Variants in CEBPA observed in about 807,000 individuals in gnomAD.
The protein encoded by CEBPA is CCAAT enhancer binding protein alpha.
Under a neutral mutation model 5.1 loss-of-function variants are expected in CEBPA, and 2 were observed. The ratio of observed to expected loss-of-function variants is 0.39; its 90% CI spans 0.16 to 1.23. The LOEUF (loss-of-function observed/expected upper bound fraction) is 1.23, where lower values mean the gene tolerates loss of function less well. Among genes scored for constraint, CEBPA ranks in the 50% most tolerant of loss-of-function variants. CEBPA has a pLI of 0.34. For missense variants in CEBPA, 455 were observed against 537.4 expected (o/e 0.85, Z 1.52); for synonymous variants, 275 against 264.1 (o/e 1.04, Z -0.40).
rs187516157 is a variant in CEBPA, at chr19:33,300,344, T to C, written c.*994A>G. ...TTTAGCAGAGACGCGCACATTCACA[T>C]TGCACAAGGCACTGCTGGGGCACAG... On this transcript the variant is annotated 3_prime_UTR_variant, in exon 1 of 1. Transcript: ENST00000498907. 8.6e-6 allele frequency: 2 copies of C among 233,814 alleles called. No homozygotes were observed. Among genetic ancestry groups the C allele is most frequent in the East Asian group, 1.2e-4 (2 of 16,690 alleles). 14.5% of individuals were successfully genotyped at this position (233,814 alleles called of 1,614,324 possible).
chr19:33,302,016 G>A lies in CEBPA; in HGVS notation c.399C>T (p.Cys133=), dbSNP rs2145262379. The stretch of plus-strand genomic sequence containing the variant: ...TGCCGTCCAGGTAGCCGGCGGCCGC[G>A]CAGCCGTAGCCGGGCGGGGGCCCGT... The part of the protein sequence containing the change: ...GAHGPPPGYG[C]AAAGYLDGRL... Residue 133 remains cysteine (C), a synonymous_variant, in exon 1 of 1, where the codon TGC becomes TGT. Transcript: ENST00000498907. The A allele has an allele frequency of 1.2e-5, 14 of 1,180,412 alleles. No homozygotes were observed. The highest frequency in any genetic ancestry group is 1.5e-5 in the Non-Finnish European group (14 of 953,414). The allele number at this position is 1,180,412 out of a possible 1,614,324, so 73.1% of individuals were successfully genotyped here.
In CEBPA at chr19:33,300,005, AAAG is replaced by A. The variant is rs1169054928; in HGVS notation, c.*1330_*1332del. The stretch of plus-strand genomic sequence containing the variant: ...AGAGTGAGACTCTACGTTCTCCCCA[AAAG>A]AAGAGAACCAAGCCGTCCTTCCCTG... On this transcript the variant is annotated 3_prime_UTR_variant, in exon 1 of 1. Coordinates refer to ENST00000498907, the MANE Select transcript of CEBPA (RefSeq NM_004364.5). 4.3e-6 allele frequency: 1 copy of A among 233,238 alleles called. No homozygotes were observed. Among genetic ancestry groups the A allele is most frequent in the Admixed American group, 5.6e-5 (1 of 17,778 alleles). The allele number at this position is 233,238 out of a possible 1,614,324, so 14.4% of individuals were successfully genotyped here.
At position 33,302,237 on chromosome 19, in the gene CEBPA, T is replaced by C. The variant is rs1060502120; in HGVS notation, c.178A>G (p.Thr60Ala). 1 of 1,491,524 alleles carries C rather than the reference T, an allele frequency of 6.7e-7. No individual in the cohort carries two copies. Among genetic ancestry groups the C allele is most frequent in the South Asian group, 1.3e-5 (1 of 78,268 alleles). The allele number at this position is 1,491,524 out of a possible 1,614,324, so 92.4% of individuals were successfully genotyped here. A position where few individuals can be genotyped will look rare whatever the true frequency, so the allele number is the denominator to read the frequency against. ...EPLGGICEHE[T>A]SIDISAYIDP... Reference sequence around the variant, plus strand: ...ATGTAGGCGCTGATGTCGATGGACGTCTCGTGCTCGCAGATGCCGCCCAGC... The same window carrying C: ...ATGTAGGCGCTGATGTCGATGGACGCCTCGTGCTCGCAGATGCCGCCCAGC... Residue 60 changes from threonine (T) to alanine (A), a missense_variant, in exon 1 of 1, where the codon ACG (threonine) becomes GCG (alanine). Thr to Ala is a moderately conservative substitution (Grantham distance 58). Coordinates refer to ENST00000498907, the MANE Select transcript of CEBPA (RefSeq NM_004364.5).
At position 33,301,557 on chromosome 19, in the gene CEBPA, C is replaced by T. The variant is rs1967165387; in HGVS notation, c.858G>A (p.Arg286=). 1 of 1,613,040 alleles carries T rather than the reference C, an allele frequency of 6.2e-7. No homozygotes were observed. The highest frequency in any genetic ancestry group is 2.2e-5 in the East Asian group (1 of 44,848). ...CGATGTTGTTGCGCTCGCGCCGCAC[C>T]CGGTACTCGTTGCTGTTCTTGTCCA... The part of the protein sequence containing the change: ...KSVDKNSNEY[R]VRRERNNIAV... Residue 286 remains arginine (R), a synonymous_variant, in exon 1 of 1, where the codon CGG becomes CGA. Coordinates refer to ENST00000498907, the MANE Select transcript of CEBPA (RefSeq NM_004364.5). The surrounding 1 kb of genome is among the most constrained non-coding windows in gnomAD (Gnocchi z 6.0).
rs1335116496 is a variant in CEBPA, at chr19:33,299,972, A to C, written c.*1366T>G. The C allele has an allele frequency of 4.3e-6, 1 of 233,100 alleles. No homozygotes were observed. Among genetic ancestry groups the C allele is most frequent in the Non-Finnish European group, 8.5e-6 (1 of 117,938 alleles). 14.4% of individuals were successfully genotyped at this position (233,100 alleles called of 1,614,324 possible). A position where few individuals can be genotyped will look rare whatever the true frequency, so the allele number is the denominator to read the frequency against. On this transcript the variant is annotated 3_prime_UTR_variant, in exon 1 of 1. Transcript: ENST00000498907. ...GTTTATATTATAGATATAATACATAAAACATCTAGAGTGAGACTCTACGTT... is the reference window on the plus strand; with the variant it reads ...GTTTATATTATAGATATAATACATACAACATCTAGAGTGAGACTCTACGTT...
chr19:33,301,857 C>A lies in CEBPA; in HGVS notation c.558G>T (p.Pro186=). Reference sequence around the variant, plus strand: ...GCGGGTGCGGGTGCGAGGGCGGCGGCGGCGGCGGCGGCTGGTAAGGGAAGA... The same window carrying A: ...GCGGGTGCGGGTGCGAGGGCGGCGGAGGCGGCGGCGGCTGGTAAGGGAAGA... ...AGLFPYQPPP[P]PPPSHPHPHP... is the part of the protein sequence containing the mutation. The change falls in exon 1 of 1, where the codon CCG becomes CCT. Residue 186 remains proline, a synonymous_variant. Transcript: ENST00000498907. The surrounding 1 kb of genome is among the most constrained non-coding windows in gnomAD (Gnocchi z 6.0). 1 of 1,278,266 alleles carries A rather than the reference C, an allele frequency of 7.8e-7. No individual in the cohort carries two copies. Among genetic ancestry groups the A allele is most frequent in the Non-Finnish European group, 9.9e-7 (1 of 1,005,720 alleles). The allele number at this position is 1,278,266 out of a possible 1,614,324, so 79.2% of individuals were successfully genotyped here.
chr19:33,301,610 TG>T lies in CEBPA; in HGVS notation c.804del (p.Ser269AlafsTer49). 6.3e-7 allele frequency: 1 copy of T among 1,591,768 alleles called. No homozygotes were observed. The highest frequency in any genetic ancestry group is 1.3e-5 in the African/African-American group (1 of 74,336). On this transcript the variant is annotated frameshift_variant, in exon 1 of 1. Transcript: ENST00000498907. LOFTEE classifies it high-confidence loss of function. The surrounding 1 kb of genome is among the most constrained non-coding windows in gnomAD (Gnocchi z 6.0). Reference protein sequence around the residue: ...AAHPDLRASGGSGAGKAKKSV... With the variant: ...AAHPDLRASGXSGAGKAKKSV... ...GACTTCTTGGCCTTGCCCGCGCCGC[TG>T]CCGCCACTCGCGCGGAGGTCGGGGT...
Position 33,300,991 on chromosome 19 carries a change from A to C in CEBPA, c.*347T>G. On this transcript the variant is annotated 3_prime_UTR_variant, in exon 1 of 1. Transcript: ENST00000498907. Reference sequence around the variant, plus strand: ...GCAGGAAACCTCCAAATAAAATGACAAGGCACGATTTGCTCCCCCTACTCA... The same window carrying C: ...GCAGGAAACCTCCAAATAAAATGACCAGGCACGATTTGCTCCCCCTACTCA... 1 of 356,436 alleles carries C rather than the reference A, an allele frequency of 2.8e-6. No individual in the cohort carries two copies. Among genetic ancestry groups the C allele is most frequent in the Admixed American group, 4.2e-5 (1 of 24,002 alleles). The allele number at this position is 356,436 out of a possible 1,614,324, so 22.1% of individuals were successfully genotyped here.
rs557100333 is a variant in CEBPA, at chr19:33,302,483, G to T, written c.-69C>A. ...CCAGCCTGCGCGGGGCGTCGCCGCC[G>T]CCCACCCGGAGACCCTGCTCGCCCG... On this transcript the variant is annotated 5_prime_UTR_variant, in exon 1 of 1. Transcript: ENST00000498907. 2.7e-4 allele frequency: 290 copies of T among 1,069,210 alleles called. 3 individuals carry two copies. In the Middle Eastern group the frequency reaches 4.2e-3, roughly 16 times the overall value. The allele number at this position is 1,069,210 out of a possible 1,614,324, so 66.2% of individuals were successfully genotyped here. A position where few individuals can be genotyped will look rare whatever the true frequency, so the allele number is the denominator to read the frequency against.
In CEBPA at chr19:33,301,750, G is replaced by A; in HGVS notation, c.665C>T (p.Pro222Leu). 1 of 1,171,704 alleles carries A rather than the reference G, an allele frequency of 8.5e-7. No homozygotes were observed. Among genetic ancestry groups the A allele is most frequent in the East Asian group, 3.9e-5 (1 of 25,844 alleles). The allele number at this position is 1,171,704 out of a possible 1,614,324, so 72.6% of individuals were successfully genotyped here. The change falls in exon 1 of 1, where the codon CCC (proline) becomes CTC (leucine). Residue 222 changes from proline (P) to leucine (L), a missense_variant. This residue lies in a region of CEBPA where 118 missense variants were observed against 189.3 expected (regional missense o/e 0.62). Transcript: ENST00000498907. This position sits in a 1 kb window ranked among gnomAD's most constrained non-coding sequence, Gnocchi z 6.0. ...HCGQTTMHLQ[P>L]GHPTPPPTPV... ...CGTGGGCGGCGGCGTGGGGTGACCG[G>A]GCTGCAGGTGCATGGTGGTCTGGCC...
Position 33,302,126 on chromosome 19 carries a change from G to T in CEBPA, c.289C>A (p.Pro97Thr). The change falls in exon 1 of 1, where the codon CCC becomes ACC. Residue 97 changes from proline to threonine, a missense_variant. Physicochemically the swap from Pro to Thr is conservative, Grantham distance 38 (BLOSUM62 -1). Around this residue, in one of 5 missense-constraint regions of CEBPA, gnomAD observed 143 missense variants for 153.9 expected, o/e 0.93. Transcript: ENST00000498907. ...TCGCCGCCGCCGCCGCCGCCCGTGG[G>T]GCCCACGGCCGCCTTGGCCTTCTCC... The part of the protein sequence containing the change: ...QQEKAKAAVG[P>T]TGGGGGGDFD... 7.3e-7 allele frequency: 1 copy of T among 1,362,194 alleles called. No homozygotes were observed. Among genetic ancestry groups the T allele is most frequent in the Non-Finnish European group, 9.6e-7 (1 of 1,046,786 alleles). The allele number at this position is 1,362,194 out of a possible 1,614,324, so 84.4% of individuals were successfully genotyped here.
Position 33,300,398 on chromosome 19 carries a change from G to GA in CEBPA, c.*939dup, listed in dbSNP as rs1444612435. The GA allele has an allele frequency of 4.3e-6, 1 of 233,656 alleles. No individual in the cohort carries two copies. The highest frequency in any genetic ancestry group is 8.5e-6 in the Non-Finnish European group (1 of 118,102). 14.5% of individuals were successfully genotyped at this position (233,656 alleles called of 1,614,324 possible). A position where few individuals can be genotyped will look rare whatever the true frequency, so the allele number is the denominator to read the frequency against. ...CCAGATACAAGTGTTGATATCGGCTGATAAAGCAAAATATTTGGAAAGCTT... is the reference window on the plus strand; with the variant it reads ...CCAGATACAAGTGTTGATATCGGCTGAATAAAGCAAAATATTTGGAAAGCTT... On this transcript the variant is annotated 3_prime_UTR_variant, in exon 1 of 1. Transcript: ENST00000498907.
chr19:33,300,098 T>C lies in CEBPA; in HGVS notation c.*1240A>G, dbSNP rs780450509. ...CTTCCCGACCAGGAGCCAGGGCCTC[T>C]GGGGGACAAGCCTTGTGGGCAGCCC... is the stretch of plus-strand genomic sequence containing the variant. On this transcript the variant is annotated 3_prime_UTR_variant, in exon 1 of 1. Transcript: ENST00000498907. The C allele has an allele frequency of 2.6e-5, 6 of 233,348 alleles. No homozygotes were observed. The South Asian group carries it at 9.1e-4, about 35-fold the overall frequency. 14.5% of individuals were successfully genotyped at this position (233,348 alleles called of 1,614,324 possible).
rs935869272 is a variant in CEBPA, at chr19:33,300,493, A to G, written c.*845T>C. The G allele has an allele frequency of 1.3e-5, 3 of 233,708 alleles. No homozygotes were observed. The highest frequency in any genetic ancestry group is 2.5e-5 in the Non-Finnish European group (3 of 118,082). The allele number at this position is 233,708 out of a possible 1,614,324, so 14.5% of individuals were successfully genotyped here. A position where few individuals can be genotyped will look rare whatever the true frequency, so the allele number is the denominator to read the frequency against. On this transcript the variant is annotated 3_prime_UTR_variant, in exon 1 of 1. Coordinates refer to ENST00000498907, the MANE Select transcript of CEBPA (RefSeq NM_004364.5). ...TTCCTAGGCAATGCTGAAGGCATAC[A>G]GTACAAACAAGGCTGAGGGTCCCAG...
rs1230252537 is a variant in CEBPA at position 33,300,979 on chromosome 19, A to C, written c.*359T>G. 2.9e-6 allele frequency: 1 copy of C among 342,938 alleles called. No individual in the cohort carries two copies. Among genetic ancestry groups the C allele is most frequent in the Non-Finnish European group, 5.4e-6 (1 of 183,632 alleles). The allele number at this position is 342,938 out of a possible 1,614,324, so 21.2% of individuals were successfully genotyped here. On this transcript the variant is annotated 3_prime_UTR_variant, in exon 1 of 1. Coordinates refer to ENST00000498907, the MANE Select transcript of CEBPA (RefSeq NM_004364.5). ...CTCGGGAAGGAGGCAGGAAACCTCC[A>C]AATAAAATGACAAGGCACGATTTGC...
rs547395645 is a variant in CEBPA, at chr19:33,300,078, C to G, written c.*1260G>C. 29 of 233,430 alleles carry G rather than the reference C, an allele frequency of 1.2e-4. 1 individual carries two copies. The South Asian group carries it at 3.1e-3, about 25-fold the overall frequency. 14.5% of individuals were successfully genotyped at this position (233,430 alleles called of 1,614,324 possible). A position where few individuals can be genotyped will look rare whatever the true frequency, so the allele number is the denominator to read the frequency against. On this transcript the variant is annotated 3_prime_UTR_variant, in exon 1 of 1. Transcript: ENST00000498907. The stretch of plus-strand genomic sequence containing the variant: ...GTTGGCGGGAGGCCACCTCCCTTCC[C>G]GACCAGGAGCCAGGGCCTCTGGGGG...
chr19:33,302,157 C>T lies in CEBPA; in HGVS notation c.258G>A (p.Arg86=). 3 of 1,432,510 alleles carry T rather than the reference C, an allele frequency of 2.1e-6. No homozygotes were observed. Among genetic ancestry groups the T allele is most frequent in the Non-Finnish European group, 2.8e-6 (3 of 1,083,148 alleles). The allele number at this position is 1,432,510 out of a possible 1,614,324, so 88.7% of individuals were successfully genotyped here. Residue 86 remains arginine, a synonymous_variant, in exon 1 of 1, where the codon CGG becomes CGA. Coordinates refer to ENST00000498907, the MANE Select transcript of CEBPA (RefSeq NM_004364.5). ...CGGCCGCCTTGGCCTTCTCCTGCTG[C>T]CGGCTGTGCTGGAACAGGTCGGCCA... ...EFLADLFQHS[R]QQEKAKAAVG...
At position 33,301,767 on chromosome 19, in the gene CEBPA, G is replaced by A; in HGVS notation, c.648C>T (p.Thr216=). The change falls in exon 1 of 1, where the codon ACC becomes ACT. Residue 216 remains threonine, a synonymous_variant. Transcript: ENST00000498907. This position sits in a 1 kb window ranked among gnomAD's most constrained non-coding sequence, Gnocchi z 6.0. ...LQFQIAHCGQ[T]TMHLQPGHPT... ...GGTGACCGGGCTGCAGGTGCATGGT[G>A]GTCTGGCCGCAGTGCGCGATCTGGA... The A allele has an allele frequency of 8.3e-7, 1 of 1,202,792 alleles. No individual in the cohort carries two copies. The highest frequency in any genetic ancestry group is 1.0e-6 in the Non-Finnish European group (1 of 968,910). The allele number at this position is 1,202,792 out of a possible 1,614,324, so 74.5% of individuals were successfully genotyped here.
At position 33,302,239 on chromosome 19, in the gene CEBPA, T is replaced by C; in HGVS notation, c.176A>G (p.Glu59Gly). ...PEPLGGICEH[E>G]TSIDISAYID... is the part of the protein sequence containing the mutation. The stretch of plus-strand genomic sequence containing the variant: ...GTAGGCGCTGATGTCGATGGACGTC[T>C]CGTGCTCGCAGATGCCGCCCAGCGG... Residue 59 changes from glutamate to glycine, a missense_variant, in exon 1 of 1, where the codon GAG (glutamate) becomes GGG (glycine). Glu to Gly is a moderately conservative substitution (Grantham distance 98). This residue lies in a region of CEBPA where 143 missense variants were observed against 153.9 expected (regional missense o/e 0.93). Coordinates refer to ENST00000498907, the MANE Select transcript of CEBPA (RefSeq NM_004364.5). 1 of 1,491,542 alleles carries C rather than the reference T, an allele frequency of 6.7e-7. No homozygotes were observed. The highest frequency in any genetic ancestry group is 1.3e-5 in the South Asian group (1 of 78,272). 92.4% of individuals were successfully genotyped at this position (1,491,542 alleles called of 1,614,324 possible). A position where few individuals can be genotyped will look rare whatever the true frequency, so the allele number is the denominator to read the frequency against.
Sources: allele counts gnomAD v4.1 joint callset, GRCh38; gene constraint gnomAD v4.1.1; regional missense constraint gnomAD v4.1.1; non-coding constraint Gnocchi (gnomAD v3.1); transcripts MANE v1.5; gene names NCBI Gene and HGNC (gene_info 2026-07-23, HGNC 2026-07-21).